CCM2: variants seen among roughly 807,000 people sequenced by gnomAD.
CCM2 encodes CCM2 scaffold protein, also known as cerebral cavernous malformations 2 protein.
A neutral mutation model predicts 44.9 loss-of-function variants in CCM2; 25 were observed. That is an observed-to-expected ratio of 0.56 (90% CI 0.41 to 0.78). The LOEUF (loss-of-function observed/expected upper bound fraction) is 0.78. Among genes scored for constraint, CCM2 ranks in the 30% least tolerant of loss-of-function variants. The probability of loss-of-function intolerance (pLI) is 0.00; values close to 1 mark genes in which losing one functional copy is unlikely to be tolerated. For synonymous variants in CCM2, 219 were observed against 241.1 expected, an observed-to-expected ratio of 0.91 and a Z score of 0.85; for missense variants, 481 against 580.6, an observed-to-expected ratio of 0.83 and a Z score of 1.76.
chr7:45,034,691 G>C (rs1797133698), intron 1 of CCM2, among the ~76,000 whole-genome samples: 1 of 150,008 alleles, frequency 6.7e-6, no homozygotes, highest in Non-Finnish European at 1.5e-5. Context: ...GCTAATTTTT[G>C]TTATTTTTAG....
intron 2 of CCM2, among the ~76,000 whole-genome samples, chr7:45,050,796 C>T (rs1411656296): frequency 2.0e-5 from 3 of 152,106 alleles, no homozygotes; most frequent in African/African-American, 7.2e-5. Context: ...CCTAGTTTGT[C>T]ATTTGTCTTT....
chr7:45,023,347 C>T (rs535141577), intron 1 of CCM2, among the ~76,000 whole-genome samples: 12 of 152,186 alleles, frequency 7.9e-5, no homozygotes, highest in African/African-American at 2.2e-4. Flanking sequence ...GTCAGGAGTT[C>T]GAGACCAGCC....
chr7:45,018,941 A>G lies in CCM2; in HGVS notation c.30+18578A>G, dbSNP rs527547369. Reference sequence around the variant, plus strand: ...TGCCAGGCTAATTTTTGTATTTTTAATAGAAATGTGGTTTTGCCATGTTGA... The same window carrying G: ...TGCCAGGCTAATTTTTGTATTTTTAGTAGAAATGTGGTTTTGCCATGTTGA... On this transcript the variant is annotated intron_variant, in intron 1 of 9. Transcript: ENST00000258781. Among the ~76,000 whole-genome samples the G allele has an allele frequency of 2.7e-5, 4 of 148,848 alleles. No homozygotes were observed. In the Admixed American group the frequency reaches 2.7e-4, roughly 10 times the overall value.
rs373035436 is a variant in CCM2 at position 45,030,368 on chromosome 7, G to A, written c.31-7885G>A. Among the ~76,000 whole-genome samples, 140 of 152,334 alleles carry A rather than the reference G, an allele frequency of 9.2e-4. 1 individual carries two copies. Among genetic ancestry groups the A allele is most frequent in the African/African-American group, 3.1e-3 (130 of 41,580 alleles). On this transcript the variant is annotated intron_variant, in intron 1 of 9. Transcript: ENST00000258781. ...GTCCATCTATAGTACATTCTAGTGA[G>A]TTAAAGAACCCATGATGGTTTACTG...
chr7:45,047,689 AG>A (rs900756058), intron 2 of CCM2, among the ~76,000 whole-genome samples: 1 of 152,176 alleles, frequency 6.6e-6, no homozygotes, highest in African/African-American at 2.4e-5. Flanking sequence ...AGAACAGATT[AG>A]GGTTTGCTAG....
chr7:45,040,148 A>G (rs1278610833), intron 2 of CCM2, among the ~76,000 whole-genome samples: 1 of 152,046 alleles, frequency 6.6e-6, no homozygotes, highest in Non-Finnish European at 1.5e-5. Flanking sequence ...TAATCCCAGC[A>G]CTTTGGGAGG....
chr7:45,023,138 A>G (rs1365223157), intron 1 of CCM2, among the ~76,000 whole-genome samples: 3 of 152,018 alleles, frequency 2.0e-5, no homozygotes, highest in African/African-American at 7.2e-5. Context: ...CTCCCTTTCT[A>G]AGTCTCCAGT....
chr7:45,072,055 C>T (rs1042651834), intron 6 of CCM2: 1 of 360,256 alleles, frequency 2.8e-6, no homozygotes, highest in Non-Finnish European at 5.5e-6. Context: ...AAAATCTTAC[C>T]CTCTCTGCAA....
At chr7:45,014,428 C>T (rs570122221) in intron 1 of CCM2, among the ~76,000 whole-genome samples, 1 of 151,914 alleles carries the variant, frequency 6.6e-6, no homozygotes, top group Non-Finnish European at 1.5e-5. Flanking sequence ...CATGAACCAC[C>T]GCGCCCGGCC....
At chr7:45,034,942 A>G (rs747971658) in intron 1 of CCM2, among the ~76,000 whole-genome samples, 7 of 147,818 alleles carry the variant, frequency 4.7e-5, no homozygotes, top group East Asian at 2.1e-4. Context: ...GGCTCAAGCA[A>G]CCTCCTGCCT....
chr7:45,022,239 G>T (rs1796506835), intron 1 of CCM2, among the ~76,000 whole-genome samples: 1 of 150,686 alleles, frequency 6.6e-6, no homozygotes, highest in African/African-American at 2.4e-5. Context: ...TCAGAATTAG[G>T]CCACATTTTA....
chr7:45,010,699 G>T (rs2128713833), intron 1 of CCM2, among the ~76,000 whole-genome samples: 1 of 152,186 alleles, frequency 6.6e-6, no homozygotes, highest in East Asian at 1.9e-4. Context: ...CTGGGTTCAA[G>T]TGATTCTCCT....
chr7:45,075,782 A>C lies in CCM2; in HGVS notation c.1060A>C (p.Arg354=). 1 of 1,613,668 alleles carries C rather than the reference A, an allele frequency of 6.2e-7. No individual in the cohort carries two copies. The highest frequency in any genetic ancestry group is 8.5e-7 in the Non-Finnish European group (1 of 1,180,010). ...TGGGTGTTGTGTGTCTGCAGGTCTGAGGCCCTTCATCCCTGAGAAGGACAG... is the reference window on the plus strand; with the variant it reads ...TGGGTGTTGTGTGTCTGCAGGTCTGCGGCCCTTCATCCCTGAGAAGGACAG... ...DSRKFLLLGL[R]PFIPEKDSQH... Residue 354 remains arginine (R), a synonymous_variant, in exon 10 of 10, where the codon AGG becomes CGG. Coordinates refer to ENST00000258781, the MANE Select transcript of CCM2 (RefSeq NM_031443.4).
intron 5 of CCM2, among the ~76,000 whole-genome samples, chr7:45,069,547 G>A (rs549149875): frequency 7.2e-5 from 11 of 152,352 alleles, no homozygotes; most frequent in East Asian, 1.9e-4. Context: ...GAAAGAAGAC[G>A]TTGGACTGGC....
intron 1 of CCM2, among the ~76,000 whole-genome samples, chr7:45,026,159 C>T (rs1261917888): frequency 6.6e-6 from 1 of 152,126 alleles, no homozygotes; most frequent in African/African-American, 2.4e-5. Flanking sequence ...TGCCTTTTTC[C>T]CTTTGAGCCT....
At chr7:45,010,619 T>C (rs1253467255) in intron 1 of CCM2, among the ~76,000 whole-genome samples, 1 of 152,122 alleles carries the variant, frequency 6.6e-6, no homozygotes, top group Non-Finnish European at 1.5e-5. Flanking sequence ...TTTTTTGAGA[T>C]GGAGTTTTGC....
intron 2 of CCM2, among the ~76,000 whole-genome samples, chr7:45,038,722 T>G (rs987058959): frequency 1.3e-5 from 2 of 152,178 alleles, no homozygotes; most frequent in African/African-American, 4.8e-5. Context: ...GTTAAAGAGC[T>G]GGGAGAAAAC....
intron 1 of CCM2, among the ~76,000 whole-genome samples, chr7:45,031,077 T>C (rs2128724137): frequency 6.6e-6 from 1 of 152,174 alleles, no homozygotes; most frequent in East Asian, 1.9e-4. Flanking sequence ...TTTCTTTTTT[T>C]AGATTTAAAG....
At chr7:45,025,443 A>C (rs1423152492) in intron 1 of CCM2, among the ~76,000 whole-genome samples, 1 of 151,764 alleles carries the variant, frequency 6.6e-6, no homozygotes, top group African/African-American at 2.4e-5. Flanking sequence ...GCTCTCCGCT[A>C]TGTCCTTGTT....
Sources: gnomAD v4.1 joint callset for allele counts (sites outside exome capture counted in the v4.1 genomes callset) on GRCh38, gnomAD v4.1.1 for gene constraint, MANE v1.5 for transcripts, NCBI Gene and HGNC (gene_info 2026-07-23, HGNC 2026-07-21) for gene names.